AFF4: variants seen among roughly 807,000 people sequenced by gnomAD.
The protein encoded by AFF4 is ALF transcription elongation factor 4, also known as AF4/FMR2 family member 4.
AFF4 carries 13 observed loss-of-function variants against 124.8 expected under a neutral mutation model. That is an observed-to-expected ratio of 0.10 (90% CI 0.07 to 0.17). AFF4 has a LOEUF of 0.17. Among genes scored for constraint, AFF4 ranks in the 10% least tolerant of loss-of-function variants. The pLI, the probability that AFF4 is intolerant of heterozygous loss-of-function variation, is 1.00. For synonymous variants in AFF4, 477 were observed against 496.1 expected (o/e 0.96, Z 0.51); for missense variants, 1,092 against 1,403.8 (o/e 0.78, Z 3.55).
intron 11 of AFF4, among the ~76,000 whole-genome samples, chr5:132,894,208 A>G (rs552600112): frequency 6.6e-6 from 1 of 152,254 alleles, no homozygotes; most frequent in Non-Finnish European, 1.5e-5. Context: ...ACAACTGCAG[A>G]TCAAAAGGTA....
intron 3 of AFF4, among the ~76,000 whole-genome samples, chr5:132,933,873 AT>A (rs1410493760): frequency 6.6e-6 from 1 of 152,134 alleles, no homozygotes; most frequent in African/African-American, 2.4e-5. Flanking sequence ...TAAGATATCA[AT>A]TAGTCATTCT....
intron 11 of AFF4, among the ~76,000 whole-genome samples, chr5:132,894,637 C>A (rs1760342299): frequency 6.6e-6 from 1 of 152,130 alleles, no homozygotes; most frequent in South Asian, 2.1e-4. Context: ...CAGGTACTGC[C>A]CTTGACACTT....
Position 132,934,171 on chromosome 5 carries a change from C to A in AFF4, c.894G>T (p.Leu298=). Residue 298 remains leucine, a synonymous_variant, in exon 3 of 21, where the codon CTG becomes CTT. Transcript: ENST00000265343. ...CATCCAGTGGTTGGGAAGGTATTTTCAGCTTGGTGAGATGTGCTTTGCTGC... is the reference window on the plus strand; with the variant it reads ...CATCCAGTGGTTGGGAAGGTATTTTAAGCTTGGTGAGATGTGCTTTGCTGC... The part of the protein sequence containing the change: ...KPSSKAHLTK[L]KIPSQPLDAS... 1 of 1,613,390 alleles carries A rather than the reference C, an allele frequency of 6.2e-7. No individual in the cohort carries two copies. Among genetic ancestry groups the A allele is most frequent in the Non-Finnish European group, 8.5e-7 (1 of 1,179,462 alleles).
At chr5:132,940,031 C>T (rs1365612522) in intron 1 of AFF4, among the ~76,000 whole-genome samples, 1 of 152,142 alleles carries the variant, frequency 6.6e-6, no homozygotes, top group Non-Finnish European at 1.5e-5. Context: ...AACCCCATCT[C>T]TACTACAAAA....
intron 4 of AFF4, among the ~76,000 whole-genome samples, chr5:132,927,800 C>CA (rs1221257433): frequency 6.6e-6 from 1 of 151,958 alleles, no homozygotes; most frequent in Non-Finnish European, 1.5e-5. Context: ...AAAATTTTGT[C>CA]AGGGGAAGAA....
chr5:132,880,546 T>C lies in AFF4; in HGVS notation c.*513A>G, dbSNP rs1759948713. ...CAAATATCAGGTCAGGTAGCAGGTG[T>C]AGAAAGAATATGTCCTTATTTTAGA... On this transcript the variant is annotated 3_prime_UTR_variant, in exon 21 of 21. Transcript: ENST00000265343. The C allele has an allele frequency of 5.1e-6, 2 of 391,506 alleles. 1 individual carries two copies. The highest frequency in any genetic ancestry group is 9.0e-6 in the Non-Finnish European group (2 of 221,832). The allele number at this position is 391,506 out of a possible 1,614,324, so 24.3% of individuals were successfully genotyped here.
In AFF4 at chr5:132,963,427, C is replaced by G. The variant is rs1762127490; in HGVS notation, c.-173G>C. On this transcript the variant is annotated 5_prime_UTR_variant, in exon 1 of 21. Coordinates refer to ENST00000265343, the MANE Select transcript of AFF4 (RefSeq NM_014423.4). ...CGGGGGTTCCGGAGGCCTCGACAAA[C>G]GAAGGCGGCGTCGGCGGCGGCGGCA... 2.5e-6 allele frequency: 1 copy of G among 398,324 alleles called. No homozygotes were observed. The highest frequency in any genetic ancestry group is 4.4e-6 in the Non-Finnish European group (1 of 225,900). The allele number at this position is 398,324 out of a possible 1,614,324, so 24.7% of individuals were successfully genotyped here.
chr5:132,908,117 CTT>C (rs34166509), intron 5 of AFF4, among the ~76,000 whole-genome samples: 1 of 143,360 alleles, frequency 7.0e-6, no homozygotes, highest in African/African-American at 2.5e-5. Flanking sequence ...TGTCTTCCAG[CTT>C]TTTTTTTTTT....
intron 10 of AFF4, 115 bp downstream of exon 10, chr5:132,898,115 G>C (rs887776857): frequency 2.0e-4 from 265 of 1,315,050 alleles, no homozygotes; most frequent in Non-Finnish European, 2.3e-4. Flanking sequence ...ATTTCTTTTT[G>C]TCAGACTATG....
At chr5:132,930,952 A>T (rs937476505) in intron 4 of AFF4, among the ~76,000 whole-genome samples, 1 of 150,638 alleles carries the variant, frequency 6.6e-6, no homozygotes, top group African/African-American at 2.4e-5. Flanking sequence ...AAAAAAAAAA[A>T]AAAAATTAGC....
rs1182686835 is a variant in AFF4 at position 132,963,470 on chromosome 5, G to A, written c.-216C>T. 7.5e-6 allele frequency: 3 copies of A among 398,258 alleles called. No homozygotes were observed. The highest frequency in any genetic ancestry group is 1.3e-5 in the Non-Finnish European group (3 of 225,852). 24.7% of individuals were successfully genotyped at this position (398,258 alleles called of 1,614,324 possible). A position where few individuals can be genotyped will look rare whatever the true frequency, so the allele number is the denominator to read the frequency against. On this transcript the variant is annotated 5_prime_UTR_variant, in exon 1 of 21. Coordinates refer to ENST00000265343, the MANE Select transcript of AFF4 (RefSeq NM_014423.4). ...CGGCGGCAGCGATGCGCCTCACACG[G>A]AACAGGCGTAGGCCCCGCACCGCTC...
chr5:132,911,898 A>G (rs764077444), intron 5 of AFF4, among the ~76,000 whole-genome samples: 4 of 152,058 alleles, frequency 2.6e-5, no homozygotes, highest in Non-Finnish European at 5.9e-5. Flanking sequence ...ACAACAATGT[A>G]CATATCAAAA....
chr5:132,934,565 C>T lies in AFF4; in HGVS notation c.500G>A (p.Gly167Asp). 1 of 1,614,110 alleles carries T rather than the reference C, an allele frequency of 6.2e-7. No individual in the cohort carries two copies. Among genetic ancestry groups the T allele is most frequent in the Non-Finnish European group, 8.5e-7 (1 of 1,180,012 alleles). The change falls in exon 3 of 21, where the codon GGC becomes GAC. Residue 167 changes from glycine to aspartate, a missense_variant. By Grantham distance (94) the Gly-to-Asp change is moderately conservative. This residue lies in a region of AFF4 where 188 missense variants were observed against 203.0 expected (regional missense o/e 0.93). Coordinates refer to ENST00000265343, the MANE Select transcript of AFF4 (RefSeq NM_014423.4). ...TTTGGAGTGTTCTGATCCATGCTGG[C>T]CTTTTTTCCGGCTACTGCTCCCACT... ...NNSGSSSRKK[G>D]QHGSEHSKSR...
chr5:132,916,386 G>A (rs1250166405), intron 5 of AFF4, among the ~76,000 whole-genome samples: 2 of 151,294 alleles, frequency 1.3e-5, no homozygotes, highest in African/African-American at 2.4e-5. Flanking sequence ...AACATCATGA[G>A]ACCCTGTTTC....
At chr5:132,887,747 G>C (rs972968594) in intron 16 of AFF4, 99 bp downstream of exon 16, 55 of 1,533,866 alleles carry the variant, frequency 3.6e-5, no homozygotes, top group Non-Finnish European at 4.9e-5. Context: ...GACATTAAAG[G>C]ATTATACACC....
chr5:132,956,161 G>A (rs1043892692), intron 1 of AFF4, among the ~76,000 whole-genome samples: 1 of 151,924 alleles, frequency 6.6e-6, no homozygotes, highest in African/African-American at 2.4e-5. Context: ...ACTAAGGCTG[G>A]ATTCAACAAA....
At chr5:132,892,968 C>G in intron 12 of AFF4, 62 bp downstream of exon 12, 1 of 1,469,988 alleles carries the variant, frequency 6.8e-7, no homozygotes, top group Non-Finnish European at 9.5e-7. Context: ...CAGAAAGTAC[C>G]CACTATCAAA....
In AFF4 at chr5:132,927,104, A is replaced by C; in HGVS notation, c.1050+17T>G. On this transcript the variant is annotated intron_variant, in intron 5 of 20. Coordinates refer to ENST00000265343, the MANE Select transcript of AFF4 (RefSeq NM_014423.4). ...AGAGTTTTCTTACATTATGAAAGATACATTTTATTTACTTACCTTAGTTGG... is the reference window on the plus strand; with the variant it reads ...AGAGTTTTCTTACATTATGAAAGATCCATTTTATTTACTTACCTTAGTTGG... 6.2e-7 allele frequency: 1 copy of C among 1,600,916 alleles called. No homozygotes were observed.
At position 132,908,394 on chromosome 5, in the gene AFF4, T is replaced by C. The variant is rs78622264; in HGVS notation, c.1051-3990A>G. Among the ~76,000 whole-genome samples the C allele has an allele frequency of 4.9e-4, 74 of 152,196 alleles. 1 individual carries two copies. The East Asian group carries it at 0.013, about 27-fold the overall frequency. On this transcript the variant is annotated intron_variant, in intron 5 of 20. Coordinates refer to ENST00000265343, the MANE Select transcript of AFF4 (RefSeq NM_014423.4). ...GGTTTCACTGGATGCCACAAAGATA[T>C]AGTTATACTCATGGAAGAAATACCA...
Sources: gnomAD v4.1 joint callset for allele counts (sites outside exome capture counted in the v4.1 genomes callset) on GRCh38, gnomAD v4.1.1 for gene constraint, gnomAD v4.1.1 regional missense constraint, MANE v1.5 for transcripts, NCBI Gene and HGNC (gene_info 2026-07-23, HGNC 2026-07-21) for gene names.